Variants in DLGAP1 observed in about 807,000 individuals in gnomAD.
DLGAP1 encodes disks large-associated protein 1.
In DLGAP1, 11 loss-of-function variants were observed where a neutral mutation model predicts 90.8. The ratio of observed to expected loss-of-function variants is 0.12; its 90% confidence interval spans 0.08 to 0.20. The LOEUF is 0.20. Among genes scored for constraint, DLGAP1 ranks in the 10% least tolerant of loss-of-function variants. The pLI is 1.00. For synonymous variants in DLGAP1, 558 were observed against 540.7 expected, an observed-to-expected ratio of 1.03 and a Z score of -0.44; for missense variants, 1,050 against 1,333.8, an observed-to-expected ratio of 0.79 and a Z score of 3.31.
intron 7 of DLGAP1, among the ~76,000 whole-genome samples, chr18:3,689,472 G>A (rs970116815): frequency 1.3e-5 from 2 of 152,178 alleles, no homozygotes; most frequent in Non-Finnish European, 2.9e-5. Context: ...GTATGTATCA[G>A]ACAAACGGTA....
At chr18:3,905,365 T>C (rs1330972232) in intron 3 of DLGAP1, among the ~76,000 whole-genome samples, 1 of 4,768 alleles carries the variant, frequency 2.1e-4, no homozygotes, top group African/African-American at 3.7e-4. Context: ...AGACTCCATC[T>C]CAAAAAAAAA....
chr18:4,178,778 T>C (rs2077160411), intron 1 of DLGAP1, among the ~76,000 whole-genome samples: 1 of 152,156 alleles, frequency 6.6e-6, no homozygotes, highest in African/African-American at 2.4e-5. Flanking sequence ...GTAACTTAAA[T>C]AATAAATAGT....
At chr18:3,759,745 A>C (rs2063872456) in intron 5 of DLGAP1, among the ~76,000 whole-genome samples, 1 of 152,228 alleles carries the variant, frequency 6.6e-6, no homozygotes, top group Admixed American at 6.5e-5. Context: ...ATGTGCAAGC[A>C]AGCAACCATA....
rs766224288 is a variant in DLGAP1 at position 4,306,458 on chromosome 18, TGTGTGA to T, written c.-267+148542_-267+148547del. ...GTGTGTGTGTGTGTGTGTGTGTGTG[TGTGTGA>T]GAGAGAGAGAGACAGACAGAGAAGA... On this transcript the variant is annotated intron_variant, in intron 1 of 12. Coordinates refer to ENST00000315677, the MANE Select transcript of DLGAP1 (RefSeq NM_004746.4). 7.8e-3 allele frequency among the ~76,000 whole-genome samples: 411 copies of T among 52,764 alleles called. 6 individuals carry two copies. Among genetic ancestry groups the T allele is most frequent in the Admixed American group, 0.038 (231 of 6,132 alleles). The allele number at this position is 52,764 out of a possible 152,430, so 34.6% of individuals were successfully genotyped here.
At chr18:3,927,276 C>T (rs1466646550) in intron 3 of DLGAP1, among the ~76,000 whole-genome samples, 1 of 152,214 alleles carries the variant, frequency 6.6e-6, no homozygotes, top group Non-Finnish European at 1.5e-5. Context: ...TTTGGAAAGA[C>T]ATCAGCTTGA....
chr18:3,899,166 C>T (rs2071726855), intron 3 of DLGAP1, among the ~76,000 whole-genome samples: 1 of 152,192 alleles, frequency 6.6e-6, no homozygotes, highest in Non-Finnish European at 1.5e-5. Context: ...CCACAATGAA[C>T]ACTTCACTGG....
At chr18:4,396,722 A>G (rs992851892) in intron 1 of DLGAP1, among the ~76,000 whole-genome samples, 5 of 152,142 alleles carry the variant, frequency 3.3e-5, no homozygotes, top group African/African-American at 9.7e-5. Context: ...GAAACCTCCT[A>G]TATCTTTTTA....
chr18:3,593,137 T>C (rs1411094488), intron 7 of DLGAP1, among the ~76,000 whole-genome samples: 1 of 151,428 alleles, frequency 6.6e-6, no homozygotes, highest in Non-Finnish European at 1.5e-5. Flanking sequence ...CCCCCGCCAG[T>C]AAACACTCTC....
chr18:3,566,898 A>T lies in DLGAP1; in HGVS notation c.2057+592T>A, dbSNP rs567670682. ...ACATGCCTCTCTCCATCAGATTCTC[A>T]TTTACAACATGAAATTATTGACCCC... is the stretch of plus-strand genomic sequence containing the variant. On this transcript the variant is annotated intron_variant, in intron 9 of 12. Coordinates refer to ENST00000315677, the MANE Select transcript of DLGAP1 (RefSeq NM_004746.4). Among the ~76,000 whole-genome samples the T allele has an allele frequency of 2.0e-5, 3 of 152,190 alleles. No individual in the cohort carries two copies. In the East Asian group the frequency reaches 5.8e-4, roughly 29 times the overall value.
chr18:4,356,163 C>T lies in DLGAP1; in HGVS notation c.-267+98843G>A, dbSNP rs536958931. Among the ~76,000 whole-genome samples the T allele has an allele frequency of 9.9e-4, 150 of 151,806 alleles. 1 individual carries two copies. The highest frequency in any genetic ancestry group is 3.4e-3 in the African/African-American group (139 of 41,460). ...CTTTGTCTTCACTTCATGGACTCTCCCGATTTTTTTTTTCCTGATGAGTGG... is the reference window on the plus strand; with the variant it reads ...CTTTGTCTTCACTTCATGGACTCTCTCGATTTTTTTTTTCCTGATGAGTGG... On this transcript the variant is annotated intron_variant, in intron 1 of 12. Coordinates refer to ENST00000315677, the MANE Select transcript of DLGAP1 (RefSeq NM_004746.4).
intron 3 of DLGAP1, among the ~76,000 whole-genome samples, chr18:3,965,570 T>C (rs2073308263): frequency 6.6e-6 from 1 of 152,082 alleles, no homozygotes; most frequent in Non-Finnish European, 1.5e-5. Context: ...TATAGTGTTG[T>C]AGAAAGAACA....
intron 7 of DLGAP1, among the ~76,000 whole-genome samples, chr18:3,707,131 C>G (rs1463614978): frequency 6.6e-6 from 1 of 152,060 alleles, no homozygotes; most frequent in Non-Finnish European, 1.5e-5. Context: ...CTCTTATTTA[C>G]CCACCTGAAC....
chr18:4,054,167 T>C (rs2143142281), intron 2 of DLGAP1, among the ~76,000 whole-genome samples: 1 of 152,308 alleles, frequency 6.6e-6, no homozygotes, highest in Non-Finnish European at 1.5e-5. Flanking sequence ...CCTGATCTTT[T>C]AGGTCTGAAT....
intron 5 of DLGAP1, among the ~76,000 whole-genome samples, chr18:3,760,506 A>AT (rs2063918080): frequency 6.6e-6 from 1 of 152,158 alleles, no homozygotes; most frequent in Admixed American, 6.5e-5. Flanking sequence ...CTGGCTGGGG[A>AT]TACAGCAGGC....
intron 7 of DLGAP1, among the ~76,000 whole-genome samples, chr18:3,706,594 G>C (rs900688084): frequency 6.6e-6 from 1 of 152,226 alleles, no homozygotes; most frequent in African/African-American, 2.4e-5. Flanking sequence ...AAAACGTAAT[G>C]TTAGTCTGCA....
At chr18:4,301,726 C>A (rs1043734296) in intron 1 of DLGAP1, among the ~76,000 whole-genome samples, 1 of 152,184 alleles carries the variant, frequency 6.6e-6, no homozygotes, top group South Asian at 2.1e-4. Context: ...GAGGAACCTA[C>A]ATCTAGTTTG....
chr18:3,628,778 T>C (rs539519148), intron 7 of DLGAP1, among the ~76,000 whole-genome samples: 1 of 152,240 alleles, frequency 6.6e-6, no homozygotes, highest in Non-Finnish European at 1.5e-5. Flanking sequence ...TTTTACTTAA[T>C]GTTGTGGGTT....
chr18:4,230,985 C>T (rs993170037), intron 1 of DLGAP1, among the ~76,000 whole-genome samples: 3 of 151,928 alleles, frequency 2.0e-5, no homozygotes, highest in South Asian at 4.2e-4. Context: ...GGTAGCTGTC[C>T]GTGGTACTTG....
intron 1 of DLGAP1, among the ~76,000 whole-genome samples, chr18:4,422,471 G>A (rs1447194543): frequency 6.6e-6 from 1 of 151,820 alleles, no homozygotes. Flanking sequence ...TAAATGTTGT[G>A]CAGTGAGTTT....
Sources: gnomAD v4.1 joint callset for allele counts (sites outside exome capture counted in the v4.1 genomes callset) on GRCh38, gnomAD v4.1.1 for gene constraint, MANE v1.5 for transcripts, NCBI Gene and HGNC (gene_info 2026-07-23, HGNC 2026-07-21) for gene names.